S100A16: variants seen among roughly 807,000 people sequenced by gnomAD.
S100A16 encodes S100 calcium binding protein A16.
In S100A16, 8 loss-of-function variants were observed where a neutral mutation model predicts 9.0. The observed-to-expected ratio is 0.89, with a 90% CI of 0.52 to 1.60. The LOEUF is 1.60. Ranked by LOEUF, S100A16 falls within the 40% of genes most tolerant of loss-of-function variation. S100A16 has a pLI of 0.00. For missense variants in S100A16, 138 were observed against 132.4 expected (o/e 1.04, Z -0.21); for synonymous variants, 51 against 51.4 (o/e 0.99, Z 0.04).
rs893086996 is a variant in S100A16 at position 153,613,110 on chromosome 1, TG to T, written c.-186del. On this transcript the variant is annotated 5_prime_UTR_variant, in exon 1 of 3. Coordinates refer to ENST00000368706, the MANE Select transcript of S100A16 (RefSeq NM_080388.3). ...AGCCCTGCCCGCTGAGCTGGCTCGG[TG>T]GGGAGATAGTGGCTGAGCTCCTTCT... 2.6e-5 allele frequency: 4 copies of T among 152,430 alleles called. No homozygotes were observed. Among genetic ancestry groups the T allele is most frequent in the Non-Finnish European group, 5.9e-5 (4 of 68,272 alleles). The allele number at this position is 152,430 out of a possible 1,614,324, so 9.4% of individuals were successfully genotyped here. A position where few individuals can be genotyped will look rare whatever the true frequency, so the allele number is the denominator to read the frequency against.
chr1:153,608,992 C>A (rs1340785621), intron 1 of S100A16: 44 of 985,700 alleles, frequency 4.5e-5, no homozygotes, highest in Non-Finnish European at 5.3e-5. Flanking sequence ...CACCCTCTCA[C>A]CCCAGGACAA....
chr1:153,608,173 G>C lies in S100A16; in HGVS notation c.-22C>G. 6.2e-7 allele frequency: 1 copy of C among 1,611,024 alleles called. No homozygotes were observed. Among genetic ancestry groups the C allele is most frequent in the Non-Finnish European group, 8.5e-7 (1 of 1,179,696 alleles). ...ACATCTCCCTGCTTCGCCTGCTGGC[G>C]GGGCCTGGACACCAGGAGGAGGGGA... On this transcript the variant is annotated 5_prime_UTR_variant, in exon 2 of 3. Transcript: ENST00000368706.
At chr1:153,610,537 G>T (rs758737686) in intron 1 of S100A16, among the ~76,000 whole-genome samples, 28 of 152,154 alleles carry the variant, frequency 1.8e-4, no homozygotes, top group Non-Finnish European at 3.8e-4. Context: ...ACACAGATGA[G>T]CCCCAGAGAT....
chr1:153,608,813 G>T (rs959751433), intron 1 of S100A16: 3 of 599,804 alleles, frequency 5.0e-6, no homozygotes, highest in African/African-American at 2.0e-5. Context: ...AACACACCCC[G>T]CCACACCCTG....
chr1:153,612,183 C>G (rs1413121670), intron 1 of S100A16, among the ~76,000 whole-genome samples: 1 of 152,062 alleles, frequency 6.6e-6, no homozygotes, highest in South Asian at 2.1e-4. Flanking sequence ...CTCCCCAGCA[C>G]CCCTGCCCTC....
intron 2 of S100A16, 116 bp downstream of exon 2, chr1:153,607,883 T>C: frequency 8.1e-7 from 1 of 1,232,084 alleles, no homozygotes; most frequent in Non-Finnish European, 1.2e-6. Context: ...ACCCTGGAGT[T>C]AGCGGGGACA....
chr1:153,608,199 G>A (rs1178272538), intron 1 of S100A16, 22 bp from the exon 2 acceptor site: 2 of 1,603,348 alleles, frequency 1.2e-6, no homozygotes, highest in Non-Finnish European at 1.7e-6. Flanking sequence ...GAGGAGGGGA[G>A]ATGAGAAGAG....
At position 153,607,092 on chromosome 1, in the gene S100A16, T is replaced by G; in HGVS notation, c.*442A>C. 3 of 440,702 alleles carry G rather than the reference T, an allele frequency of 6.8e-6. No individual in the cohort carries two copies. Among genetic ancestry groups the G allele is most frequent in the Non-Finnish European group, 9.1e-6 (2 of 219,776 alleles). The allele number at this position is 440,702 out of a possible 1,614,324, so 27.3% of individuals were successfully genotyped here. On this transcript the variant is annotated 3_prime_UTR_variant, in exon 3 of 3. Coordinates refer to ENST00000368706, the MANE Select transcript of S100A16 (RefSeq NM_080388.3). ...GAGGGGCTAAGGGAAAGTGGAGAGGTCTCTGCTGCTGCTGCTGCTGCTGCT... is the reference window on the plus strand; with the variant it reads ...GAGGGGCTAAGGGAAAGTGGAGAGGGCTCTGCTGCTGCTGCTGCTGCTGCT...
chr1:153,607,746 C>T, intron 2 of S100A16, 54 bp from the exon 3 acceptor site: 1 of 1,603,464 alleles, frequency 6.2e-7, no homozygotes, highest in Non-Finnish European at 8.5e-7. Flanking sequence ...AGAGAGACTC[C>T]AGGCAGGACC....
chr1:153,611,542 T>G (rs931508662), intron 1 of S100A16, among the ~76,000 whole-genome samples: 1 of 152,180 alleles, frequency 6.6e-6, no homozygotes, highest in Non-Finnish European at 1.5e-5. Context: ...ACCATGAGTT[T>G]GCTTACTCAT....
chr1:153,609,185 G>T, intron 1 of S100A16: 1 of 985,522 alleles, frequency 1.0e-6, no homozygotes, highest in Non-Finnish European at 1.2e-6. Context: ...CACCCGGCGG[G>T]TCCTGGTGAA....
chr1:153,609,593 G>T (rs1666789382), intron 1 of S100A16, among the ~76,000 whole-genome samples: 1 of 152,176 alleles, frequency 6.6e-6, no homozygotes, highest in Admixed American at 6.5e-5. Context: ...CATGGCCAAT[G>T]TATTTTCTGA....
intron 1 of S100A16, among the ~76,000 whole-genome samples, chr1:153,611,309 C>T (rs1019605546): frequency 1.9e-4 from 29 of 149,584 alleles, no homozygotes; most frequent in African/African-American, 6.9e-4. Context: ...AGGCTCCTTC[C>T]GTCTGGAGCT....
intron 2 of S100A16, 134 bp from the exon 3 acceptor site, chr1:153,607,826 G>A: frequency 7.9e-7 from 1 of 1,270,726 alleles, no homozygotes; most frequent in South Asian, 1.4e-5. Context: ...GCCCTCACTG[G>A]CTAGGCCTAA....
rs761774279 is a variant in S100A16 at position 153,608,172 on chromosome 1, C to T, written c.-21G>A. On this transcript the variant is annotated 5_prime_UTR_variant, in exon 2 of 3. Coordinates refer to ENST00000368706, the MANE Select transcript of S100A16 (RefSeq NM_080388.3). The stretch of plus-strand genomic sequence containing the variant: ...GACATCTCCCTGCTTCGCCTGCTGG[C>T]GGGGCCTGGACACCAGGAGGAGGGG... 1.7e-5 allele frequency: 28 copies of T among 1,611,434 alleles called. No homozygotes were observed. Among genetic ancestry groups the T allele is most frequent in the Admixed American group, 6.7e-5 (4 of 59,964 alleles).
rs766552322 is a variant in S100A16 at position 153,608,042 on chromosome 1, C to G, written c.110G>C (p.Ser37Thr). 1.2e-6 allele frequency: 2 copies of G among 1,614,090 alleles called. No homozygotes were observed. Among genetic ancestry groups the G allele is most frequent in the Non-Finnish European group, 1.7e-6 (2 of 1,179,954 alleles). The change falls in exon 2 of 3, where the codon AGC (serine) becomes ACC (threonine). Residue 37 changes from serine to threonine, a missense_variant. Transcript: ENST00000368706. Reference sequence around the variant, plus strand: ...CTCTTTCTGGAGCATCTCGCGGAAGCTGCTCTTGCTGATCTTGTTCTTGAC... The same window carrying G: ...CTCTTTCTGGAGCATCTCGCGGAAGGTGCTCTTGCTGATCTTGTTCTTGAC... ...SLVKNKISKSSFREMLQKELN... is the reference protein window; with the variant it reads ...SLVKNKISKSTFREMLQKELN...
chr1:153,608,361 G>A (rs926944599), intron 1 of S100A16, 184 bp from the exon 2 acceptor site: 20 of 584,778 alleles, frequency 3.4e-5, no homozygotes, highest in East Asian at 2.0e-4. Context: ...AGAACTATGC[G>A]GCTCCTCTAA....
Position 153,607,216 on chromosome 1 carries a change from T to A in S100A16, c.*318A>T. 2.2e-6 allele frequency: 1 copy of A among 451,070 alleles called. No individual in the cohort carries two copies. The highest frequency in any genetic ancestry group is 3.2e-5 in the Admixed American group (1 of 31,496). 27.9% of individuals were successfully genotyped at this position (451,070 alleles called of 1,614,324 possible). A position where few individuals can be genotyped will look rare whatever the true frequency, so the allele number is the denominator to read the frequency against. Reference sequence around the variant, plus strand: ...ACGGACCCAGAATCAGGCAGGAATTTGGCAGGAACATCAGACATTGGAAGG... The same window carrying A: ...ACGGACCCAGAATCAGGCAGGAATTAGGCAGGAACATCAGACATTGGAAGG... On this transcript the variant is annotated 3_prime_UTR_variant, in exon 3 of 3. Coordinates refer to ENST00000368706, the MANE Select transcript of S100A16 (RefSeq NM_080388.3).
chr1:153,608,692 A>G (rs1348755526), intron 1 of S100A16, among the ~76,000 whole-genome samples: 1 of 152,176 alleles, frequency 6.6e-6, no homozygotes, highest in Non-Finnish European at 1.5e-5. Context: ...GGCCTTCCCC[A>G]ATCCCTTGCC....
Sources: gnomAD v4.1 joint callset for allele counts (sites outside exome capture counted in the v4.1 genomes callset) on GRCh38, gnomAD v4.1.1 for gene constraint, MANE v1.5 for transcripts, NCBI Gene and HGNC (gene_info 2026-07-23, HGNC 2026-07-21) for gene names.